OR2A14: variants seen among roughly 807,000 people sequenced by gnomAD.
The protein encoded by OR2A14 is olfactory receptor 2A14.
OR2A14 carries 2 observed loss-of-function variants against 2.4 expected under a neutral mutation model. The observed-to-expected ratio is 0.85, with a 90% confidence interval of 0.35 to 2.67. The LOEUF (loss-of-function observed/expected upper bound fraction) is 2.67. Ranked by LOEUF, OR2A14 falls within the 30% of genes most tolerant of loss-of-function variation. The probability of loss-of-function intolerance (pLI) is 0.10; values close to 1 mark genes in which losing one functional copy is unlikely to be tolerated. For synonymous variants in OR2A14, 160 were observed against 156.3 expected (o/e 1.02, Z -0.18); for missense variants, 390 against 379.4 (o/e 1.03, Z -0.23).
In OR2A14 at chr7:144,130,768, T is replaced by C. The variant is rs1285623960; in HGVS notation, c.*723T>C. ...GCATAGTACACATCCTCAAGATCAA[T>C]AATTAGTGACACTTCCTGTGAAGAT... On this transcript the variant is annotated 3_prime_UTR_variant, in exon 2 of 2. Coordinates refer to ENST00000641068, the MANE Select transcript of OR2A14 (RefSeq NM_001001659.3). 4 of 152,166 alleles carry C rather than the reference T, an allele frequency of 2.6e-5. No homozygotes were observed. The highest frequency in any genetic ancestry group is 6.5e-5 in the Admixed American group (1 of 15,280). 9.4% of individuals were successfully genotyped at this position (152,166 alleles called of 1,614,324 possible).
At chr7:144,125,430 A>C (rs1176992275) in intron 1 of OR2A14, among the ~76,000 whole-genome samples, 1 of 152,340 alleles carries the variant, frequency 6.6e-6, no homozygotes, top group East Asian at 1.9e-4. Context: ...GAACTTCCAC[A>C]GGCTTTTCTA....
At chr7:144,124,837 A>T (rs2051470786) in intron 1 of OR2A14, among the ~76,000 whole-genome samples, 1 of 152,050 alleles carries the variant, frequency 6.6e-6, no homozygotes, top group Admixed American at 6.6e-5. Flanking sequence ...TTGCTTTTTA[A>T]TTTTAAAAAT....
intron 1 of OR2A14, among the ~76,000 whole-genome samples, chr7:144,124,730 A>G (rs1435001488): frequency 6.6e-6 from 1 of 152,164 alleles, no homozygotes; most frequent in Non-Finnish European, 1.5e-5. Flanking sequence ...TGGGATATTT[A>G]GCATGGTGGG....
At chr7:144,125,076 G>A (rs2051472778) in intron 1 of OR2A14, among the ~76,000 whole-genome samples, 1 of 152,092 alleles carries the variant, frequency 6.6e-6, no homozygotes, top group Admixed American at 6.5e-5. Context: ...ATGTACCAGT[G>A]CGATGGTATT....
intron 1 of OR2A14, among the ~76,000 whole-genome samples, chr7:144,127,272 T>C (rs2051488516): frequency 6.6e-6 from 1 of 152,192 alleles, no homozygotes; most frequent in South Asian, 2.1e-4. Context: ...TGTTTGCTTA[T>C]GAAAGTAACA....
At chr7:144,124,678 G>T (rs911235445) in intron 1 of OR2A14, among the ~76,000 whole-genome samples, 1 of 151,808 alleles carries the variant, frequency 6.6e-6, no homozygotes. Flanking sequence ...CCCTAAATAC[G>T]CCCCCCTTTT....
intron 1 of OR2A14, among the ~76,000 whole-genome samples, chr7:144,126,092 T>C (rs2051480714): frequency 6.6e-6 from 1 of 152,178 alleles, no homozygotes; most frequent in Non-Finnish European, 1.5e-5. Context: ...ACACAACATT[T>C]GCTGTGTCCA....
chr7:144,130,374 C>T lies in OR2A14; in HGVS notation c.*329C>T, dbSNP rs535962437. ...AAATGCAAGCCACAAACCAAGTGAT[C>T]GTATGGAAACTACATGTACCCAGAA... On this transcript the variant is annotated 3_prime_UTR_variant, in exon 2 of 2. Coordinates refer to ENST00000641068, the MANE Select transcript of OR2A14 (RefSeq NM_001001659.3). 1 of 188,602 alleles carries T rather than the reference C, an allele frequency of 5.3e-6. No homozygotes were observed. Among genetic ancestry groups the T allele is most frequent in the Non-Finnish European group, 1.1e-5 (1 of 89,816 alleles). The allele number at this position is 188,602 out of a possible 1,614,324, so 11.7% of individuals were successfully genotyped here. A position where few individuals can be genotyped will look rare whatever the true frequency, so the allele number is the denominator to read the frequency against.
chr7:144,130,589 C>G lies in OR2A14; in HGVS notation c.*544C>G, dbSNP rs2051524451. ...AGCAAGGAATTGTAAATTAAAACCA[C>G]CATGAGATACTATTATATACCCACT... On this transcript the variant is annotated 3_prime_UTR_variant, in exon 2 of 2. Coordinates refer to ENST00000641068, the MANE Select transcript of OR2A14 (RefSeq NM_001001659.3). The G allele has an allele frequency of 1.3e-5, 2 of 153,000 alleles. No homozygotes were observed. The highest frequency in any genetic ancestry group is 6.5e-5 in the Admixed American group (1 of 15,410). 9.5% of individuals were successfully genotyped at this position (153,000 alleles called of 1,614,324 possible).
chr7:144,125,237 T>C (rs1437276578), intron 1 of OR2A14, among the ~76,000 whole-genome samples: 1 of 152,238 alleles, frequency 6.6e-6, no homozygotes, highest in Non-Finnish European at 1.5e-5. Flanking sequence ...CTCCTGTTGC[T>C]TTCATTCTTA....
Position 144,129,558 on chromosome 7 carries a change from T to A in OR2A14, c.446T>A (p.Val149Glu). The A allele has an allele frequency of 6.2e-7, 1 of 1,614,130 alleles. No individual in the cohort carries two copies. The change falls in exon 2 of 2, where the codon GTG (valine) becomes GAG (glutamate). Residue 149 changes from valine (V) to glutamate (E), a missense_variant. By Grantham distance (121) the Val-to-Glu change is moderately radical. Transcript: ENST00000641068. Reference sequence around the variant, plus strand: ...ACTGTCCTGGCTGTGGCTTCCTGGGTGTTCAGCTTCCTCCTGGCTCTGGTC... The same window carrying A: ...ACTGTCCTGGCTGTGGCTTCCTGGGAGTTCAGCTTCCTCCTGGCTCTGGTC... ...VCTVLAVASWVFSFLLALVPL... is the reference protein window; with the variant it reads ...VCTVLAVASWEFSFLLALVPL...
chr7:144,125,207 T>C (rs2051473912), intron 1 of OR2A14, among the ~76,000 whole-genome samples: 2 of 152,232 alleles, frequency 1.3e-5, no homozygotes, highest in African/African-American at 4.8e-5. Flanking sequence ...ACTGGAATAG[T>C]GTTCTGGCCA....
At chr7:144,126,576 C>A (rs1338141585) in intron 1 of OR2A14, among the ~76,000 whole-genome samples, 2 of 152,012 alleles carry the variant, frequency 1.3e-5, no homozygotes, top group Non-Finnish European at 2.9e-5. Context: ...CTAAAGGAGA[C>A]CCCCCTCAAA....
rs2051523669 is a variant in OR2A14 at position 144,130,458 on chromosome 7, T to C, written c.*413T>C. 1 of 155,116 alleles carries C rather than the reference T, an allele frequency of 6.4e-6. No homozygotes were observed. The highest frequency in any genetic ancestry group is 2.4e-5 in the African/African-American group (1 of 41,444). 9.6% of individuals were successfully genotyped at this position (155,116 alleles called of 1,614,324 possible). ...ACTCCTTTAAATCAGCAATAAAAAA[T>C]ATAAACAACCAAATTTTATAAAATT... On this transcript the variant is annotated 3_prime_UTR_variant, in exon 2 of 2. Transcript: ENST00000641068.
rs1297656426 is a variant in OR2A14, at chr7:144,129,093, T to C, written c.-20T>C. The C allele has an allele frequency of 7.5e-6, 12 of 1,599,320 alleles. No individual in the cohort carries two copies. In the African/African-American group the frequency reaches 1.3e-4, roughly 18 times the overall value. On this transcript the variant is annotated 5_prime_UTR_variant, in exon 2 of 2. Transcript: ENST00000641068. Reference sequence around the variant, plus strand: ...CTGGCCCACAGCTCTGACCTTCCTGTCCTAGATGTCCACAAGAGCATGGAA... The same window carrying C: ...CTGGCCCACAGCTCTGACCTTCCTGCCCTAGATGTCCACAAGAGCATGGAA...
Position 144,129,527 on chromosome 7 carries a change from G to A in OR2A14, c.415G>A (p.Val139Met), listed in dbSNP as rs767641163. 2 of 1,614,196 alleles carry A rather than the reference G, an allele frequency of 1.2e-6. No homozygotes were observed. Among genetic ancestry groups the A allele is most frequent in the Non-Finnish European group, 1.7e-6 (2 of 1,180,020 alleles). The change falls in exon 2 of 2, where the codon GTG becomes ATG. Residue 139 changes from valine (V) to methionine (M), a missense_variant. Coordinates refer to ENST00000641068, the MANE Select transcript of OR2A14 (RefSeq NM_001001659.3). ...TTACAATAGCCTCATGAGCTGGAGA[G>A]TGTGCACTGTCCTGGCTGTGGCTTC... Reference protein sequence around the residue: ...LRYNSLMSWRVCTVLAVASWV... With the variant: ...LRYNSLMSWRMCTVLAVASWV...
intron 1 of OR2A14, among the ~76,000 whole-genome samples, chr7:144,128,172 C>A (rs372484788): frequency 6.6e-5 from 10 of 152,306 alleles, no homozygotes; most frequent in African/African-American, 2.2e-4. Flanking sequence ...GAGATGTCAA[C>A]ATATTAAGTT....
At chr7:144,128,957 T>C in intron 1 of OR2A14, 122 bp from the exon 2 acceptor site, 1 of 617,552 alleles carries the variant, frequency 1.6e-6, no homozygotes, top group Non-Finnish European at 2.8e-6. Flanking sequence ...ATGCGATTTT[T>C]TCTCATTTTT....
rs769818377 is a variant in OR2A14, at chr7:144,129,660, T to C, written c.548T>C (p.Val183Ala). ...INHFFCEILSVLKLACADTWL... is the reference protein window; with the variant it reads ...INHFFCEILSALKLACADTWL... ...CACTTCTTCTGTGAAATCCTGTCTG[T>C]CCTCAAGTTGGCCTGTGCTGACACC... Residue 183 changes from valine (V) to alanine (A), a missense_variant, in exon 2 of 2, where the codon GTC becomes GCC. By Grantham distance (64) the Val-to-Ala change is moderately conservative. Transcript: ENST00000641068. 1.2e-6 allele frequency: 2 copies of C among 1,614,152 alleles called. No individual in the cohort carries two copies. Among genetic ancestry groups the C allele is most frequent in the South Asian group, 1.1e-5 (1 of 91,078 alleles).
Sources: gnomAD v4.1 joint callset for allele counts (sites outside exome capture counted in the v4.1 genomes callset) on GRCh38, gnomAD v4.1.1 for gene constraint, MANE v1.5 for transcripts, NCBI Gene and HGNC (gene_info 2026-07-23, HGNC 2026-07-21) for gene names.